AAK1: variants seen among roughly 807,000 people sequenced by gnomAD.
The protein encoded by AAK1 is AP2 associated kinase 1, also known as AP2-associated protein kinase 1.
AAK1 carries 37 observed loss-of-function variants against 116.0 expected under a neutral mutation model. The observed-to-expected ratio is 0.32, with a 90% CI of 0.25 to 0.42. The LOEUF (loss-of-function observed/expected upper bound fraction) is 0.42, where lower values mean the gene tolerates loss of function less well. AAK1 is among the 10% of genes least tolerant of loss of function. The pLI, the probability that AAK1 is intolerant of heterozygous loss-of-function variation, is 1.00. For missense variants in AAK1, 919 were observed against 1,170.6 expected, an observed-to-expected ratio of 0.79 and a Z score of 3.14; for synonymous variants, 458 against 439.9, an observed-to-expected ratio of 1.04 and a Z score of -0.51.
chr2:69,643,533 T>C (rs1675852432), intron 1 of AAK1, 42 bp downstream of exon 1: 1 of 1,226,026 alleles, frequency 8.2e-7, no homozygotes. Flanking sequence ...TCCTCCCGGG[T>C]CTCCCCGCCG....
chr2:69,564,230 T>G (rs1671772573), intron 2 of AAK1, among the ~76,000 whole-genome samples: 1 of 151,250 alleles, frequency 6.6e-6, no homozygotes, highest in Non-Finnish European at 1.5e-5. Context: ...AGAAAAGAAA[T>G]TAAGACTAAA....
intron 2 of AAK1, among the ~76,000 whole-genome samples, chr2:69,606,777 G>C (rs1673815093): frequency 6.6e-6 from 1 of 152,126 alleles, no homozygotes; most frequent in Admixed American, 6.5e-5. Flanking sequence ...TTAAAAAGTA[G>C]GTTAGAGGCT....
intron 2 of AAK1, among the ~76,000 whole-genome samples, chr2:69,622,590 T>G (rs920123740): frequency 6.6e-6 from 1 of 152,208 alleles, no homozygotes; most frequent in Non-Finnish European, 1.5e-5. Flanking sequence ...AGCTCAAGGC[T>G]TATAAACACA....
In AAK1 at chr2:69,467,306, G is replaced by A. The variant is rs1029159874; in HGVS notation, c.*8563C>T. 2 of 985,434 alleles carry A rather than the reference G, an allele frequency of 2.0e-6. No individual in the cohort carries two copies. The highest frequency in any genetic ancestry group is 2.4e-6 in the Non-Finnish European group (2 of 829,922). 61.0% of individuals were successfully genotyped at this position (985,434 alleles called of 1,614,324 possible). On this transcript the variant is annotated 3_prime_UTR_variant, in exon 22 of 22. Coordinates refer to ENST00000409085, the MANE Select transcript of AAK1 (RefSeq NM_014911.5). ...GTAAAATGCATGGGCCATTACAGAAGCATTAGCAAACTCCAATATACTAGT... is the reference window on the plus strand; with the variant it reads ...GTAAAATGCATGGGCCATTACAGAAACATTAGCAAACTCCAATATACTAGT...
chr2:69,633,218 CAAAAA>C (rs199667063), intron 2 of AAK1, among the ~76,000 whole-genome samples: 1 of 106,020 alleles, frequency 9.4e-6, no homozygotes, highest in African/African-American at 4.0e-5. Flanking sequence ...GACTCTGTTT[CAAAAA>C]AAAAAAAAGG....
At chr2:69,609,285 C>T (rs775107612) in intron 2 of AAK1, among the ~76,000 whole-genome samples, 3 of 152,148 alleles carry the variant, frequency 2.0e-5, no homozygotes, top group Non-Finnish European at 2.9e-5. Flanking sequence ...ATCACCTAAA[C>T]CCAGGAGGGG....
chr2:69,552,085 A>C (rs1671204909), intron 3 of AAK1, among the ~76,000 whole-genome samples: 3 of 152,208 alleles, frequency 2.0e-5, no homozygotes, highest in Admixed American at 2.0e-4. Flanking sequence ...TCTATCTGAC[A>C]GAAGTCTGAG....
At chr2:69,524,230 T>C (rs561397262) in intron 10 of AAK1, among the ~76,000 whole-genome samples, 1 of 152,132 alleles carries the variant, frequency 6.6e-6, no homozygotes, top group African/African-American at 2.4e-5. Flanking sequence ...TCAGGACACA[T>C]GTTTAGGATA....
intron 2 of AAK1, among the ~76,000 whole-genome samples, chr2:69,567,526 A>C (rs1671927996): frequency 6.6e-6 from 1 of 152,192 alleles, no homozygotes; most frequent in Non-Finnish European, 1.5e-5. Context: ...TTTGTTATAC[A>C]ATGTGTTTGC....
intron 20 of AAK1, among the ~76,000 whole-genome samples, chr2:69,477,204 T>TA (rs5831974): frequency 0.6 from 91,337 of 151,894 alleles, 28,107 homozygotes; most frequent in East Asian, 0.81. Context: ...TTGACTTTTA[T>TA]AATGATTAGG....
chr2:69,636,705 C>CT (rs199595825), intron 2 of AAK1, among the ~76,000 whole-genome samples: 12,724 of 144,938 alleles, frequency 0.088, 1,111 homozygotes, highest in African/African-American at 0.2. Context: ...TTTTCTTTTT[C>CT]TTTTTTTTTT....
chr2:69,519,060 T>C lies in AAK1; in HGVS notation c.1391A>G (p.Gln464Arg), dbSNP rs971424279. The change falls in exon 12 of 22, where the codon CAG (glutamine) becomes CGG (arginine). Residue 464 changes from glutamine (Q) to arginine (R), a missense_variant. By Grantham distance (43) the Gln-to-Arg change is conservative. Coordinates refer to ENST00000409085, the MANE Select transcript of AAK1 (RefSeq NM_014911.5). ...PAQAQATPQH[Q>R]QQLFLKQQQQ... ...TTGCTGCTTGAGGAAGAGTTGCTGC[T>C]GGTGCTGGGGTGTGGCCTGGGCCTG... 12 of 1,551,096 alleles carry C rather than the reference T, an allele frequency of 7.7e-6. No homozygotes were observed. Among genetic ancestry groups the C allele is most frequent in the Non-Finnish European group, 9.6e-6 (11 of 1,146,830 alleles).
chr2:69,531,253 T>A (rs1670242471), intron 6 of AAK1, among the ~76,000 whole-genome samples: 1 of 152,156 alleles, frequency 6.6e-6, no homozygotes, highest in South Asian at 2.1e-4. Flanking sequence ...TCGAAGTGAG[T>A]GTCTTGGTGT....
rs536358274 is a variant in AAK1, at chr2:69,572,568, G to A, written c.164-15590C>T. 4.6e-3 allele frequency among the ~76,000 whole-genome samples: 669 copies of A among 145,306 alleles called. 5 individuals carry two copies. The highest frequency in any genetic ancestry group is 0.018 in the Middle Eastern group (5 of 280). On this transcript the variant is annotated intron_variant, in intron 2 of 21. Transcript: ENST00000409085. ...CGGGAGGAAGAGGTTGCAGTGAGCC[G>A]AGATCATGCCACTGCACTCCAGCCT...
At chr2:69,494,795 T>C (rs1451057511) in intron 17 of AAK1, among the ~76,000 whole-genome samples, 1 of 152,168 alleles carries the variant, frequency 6.6e-6, no homozygotes, top group Non-Finnish European at 1.5e-5. Flanking sequence ...TTAAGCTACA[T>C]CCAGGTCCAG....
chr2:69,489,280 A>G (rs981045991), intron 17 of AAK1, among the ~76,000 whole-genome samples: 3 of 151,662 alleles, frequency 2.0e-5, no homozygotes, highest in African/African-American at 7.3e-5. Context: ...GTGAAACACA[A>G]TCTCTACGAA....
chr2:69,542,490 A>C, intron 5 of AAK1, 33 bp downstream of exon 5: 1 of 1,612,606 alleles, frequency 6.2e-7, no homozygotes, highest in South Asian at 1.1e-5. Context: ...AATATTGAGT[A>C]GAATGCCCGT....
At chr2:69,549,038 G>A (rs896435194) in intron 3 of AAK1, among the ~76,000 whole-genome samples, 5 of 152,068 alleles carry the variant, frequency 3.3e-5, no homozygotes, top group Non-Finnish European at 7.4e-5. Flanking sequence ...GTCCTTTCCA[G>A]AGCAAAATTA....
chr2:69,527,340 T>C, intron 8 of AAK1, 21 bp from the exon 9 acceptor site: 4 of 1,429,364 alleles, frequency 2.8e-6, no homozygotes, highest in Non-Finnish European at 3.9e-6. Flanking sequence ...CATGTGAATT[T>C]ATTTAATAAT....
Sources: gnomAD v4.1 joint callset for allele counts (sites outside exome capture counted in the v4.1 genomes callset) on GRCh38, gnomAD v4.1.1 for gene constraint, MANE v1.5 for transcripts, NCBI Gene and HGNC (gene_info 2026-07-23, HGNC 2026-07-21) for gene names.